Variants in PLXNA4 observed in about 807,000 individuals in gnomAD.
The protein encoded by PLXNA4 is plexin A4, also known as plexin-A4.
PLXNA4 carries 44 observed loss-of-function variants against 191.8 expected under a neutral mutation model. That is an observed-to-expected ratio of 0.23 (90% CI 0.18 to 0.29). The LOEUF (loss-of-function observed/expected upper bound fraction) is 0.29, where lower values mean the gene tolerates loss of function less well. Among genes scored for constraint, PLXNA4 ranks in the 10% least tolerant of loss-of-function variants. The probability of loss-of-function intolerance (pLI) is 1.00; values close to 1 mark genes in which losing one functional copy is unlikely to be tolerated. For synonymous variants in PLXNA4, 1,082 were observed against 1,009.5 expected, an observed-to-expected ratio of 1.07 and a Z score of -1.36; for missense variants, 1,800 against 2,488.8, an observed-to-expected ratio of 0.72 and a Z score of 5.89.
intron 1 of PLXNA4, among the ~76,000 whole-genome samples, chr7:132,554,252 G>C (rs957380655): frequency 6.6e-6 from 1 of 152,176 alleles, no homozygotes; most frequent in Non-Finnish European, 1.5e-5. Context: ...GCAGTGACAA[G>C]GACCCTGGGG....
chr7:132,319,584 C>G (rs928075875), intron 3 of PLXNA4, among the ~76,000 whole-genome samples: 2 of 151,638 alleles, frequency 1.3e-5, no homozygotes, highest in Non-Finnish European at 2.9e-5. Flanking sequence ...TTCCTACTCT[C>G]CAAACACATT....
chr7:132,532,711 A>G (rs913527465), intron 1 of PLXNA4, among the ~76,000 whole-genome samples: 1 of 152,208 alleles, frequency 6.6e-6, no homozygotes, highest in Non-Finnish European at 1.5e-5. Flanking sequence ...GGACAGACTT[A>G]GCATTGTATT....
intron 2 of PLXNA4, among the ~76,000 whole-genome samples, chr7:132,505,447 G>A (rs1319453872): frequency 6.6e-6 from 1 of 151,190 alleles, no homozygotes; most frequent in Non-Finnish European, 1.5e-5. Flanking sequence ...AACTGTCAGA[G>A]ATTGCCAACT....
intron 4 of PLXNA4, among the ~76,000 whole-genome samples, chr7:132,269,966 T>C (rs1035370670): frequency 1.3e-5 from 2 of 152,128 alleles, no homozygotes; most frequent in Non-Finnish European, 2.9e-5. Flanking sequence ...AGAAACGTGC[T>C]TGAGGGATTG....
chr7:132,339,291 C>T (rs912041585), intron 3 of PLXNA4, among the ~76,000 whole-genome samples: 2 of 152,176 alleles, frequency 1.3e-5, no homozygotes, highest in African/African-American at 4.8e-5. Context: ...AACACCTATG[C>T]CAGAGATGTG....
chr7:132,283,506 C>T (rs1244958300), intron 4 of PLXNA4, among the ~76,000 whole-genome samples: 1 of 152,214 alleles, frequency 6.6e-6, no homozygotes, highest in Non-Finnish European at 1.5e-5. Flanking sequence ...GCCCGGACTT[C>T]AAGGGGTAAC....
chr7:132,235,243 C>T (rs760019050), intron 5 of PLXNA4, among the ~76,000 whole-genome samples: 1 of 152,224 alleles, frequency 6.6e-6, no homozygotes, highest in Non-Finnish European at 1.5e-5. Context: ...GGCATGAGGA[C>T]CTGCTGCATT....
chr7:132,144,810 T>C (rs578189519), intron 29 of PLXNA4, among the ~76,000 whole-genome samples: 8 of 152,336 alleles, frequency 5.3e-5, no homozygotes, highest in Non-Finnish European at 1.0e-4. Flanking sequence ...GAGAGTGTCC[T>C]GGCCGTGACA....
intron 3 of PLXNA4, among the ~76,000 whole-genome samples, chr7:132,480,406 G>A (rs945494153): frequency 3.7e-4 from 57 of 152,184 alleles, no homozygotes; most frequent in African/African-American, 1.3e-3. Context: ...CACTTGCAAA[G>A]CAATAATGAC....
Position 132,318,711 on chromosome 7 carries a change from T to C in PLXNA4, c.1372-20489A>G, listed in dbSNP as rs73723778. ...ATTCTTCTCCCCCACTCCAATCTCA[T>C]CTGTCCCCTGAAGGGAGAAATCGAA... On this transcript the variant is annotated intron_variant, in intron 3 of 31. Coordinates refer to ENST00000321063, the MANE Select transcript of PLXNA4 (RefSeq NM_020911.2). Among the ~76,000 whole-genome samples the C allele has an allele frequency of 7.0e-3, 1,010 of 144,944 alleles. 13 individuals are homozygous for C. The highest frequency in any genetic ancestry group is 0.024 in the African/African-American group (957 of 39,454).
intron 24 of PLXNA4, 43 bp from the exon 25 acceptor site, chr7:132,159,675 C>A (rs371498668): frequency 6.2e-6 from 10 of 1,608,082 alleles, no homozygotes; most frequent in Non-Finnish European, 7.7e-6. Context: ...AATGGGGTAG[C>A]AGGAAAAGCT....
chr7:132,160,145 G>A (rs1314652579), intron 24 of PLXNA4, among the ~76,000 whole-genome samples: 1 of 152,076 alleles, frequency 6.6e-6, no homozygotes, highest in Non-Finnish European at 1.5e-5. Flanking sequence ...TAGGAATCTG[G>A]CTTCTTTCTC....
intron 3 of PLXNA4, among the ~76,000 whole-genome samples, chr7:132,303,353 G>A (rs553403492): frequency 6.7e-6 from 1 of 150,000 alleles, no homozygotes; most frequent in Admixed American, 6.6e-5. Flanking sequence ...GGCGGATCAC[G>A]AGGTCAAGAG....
chr7:132,165,844 G>T (rs187135251), intron 22 of PLXNA4, among the ~76,000 whole-genome samples: 1 of 152,220 alleles, frequency 6.6e-6, no homozygotes, highest in East Asian at 1.9e-4. Context: ...TCAGCTAAAG[G>T]CTCCCAGCAT....
chr7:132,289,790 C>G (rs893337913), intron 4 of PLXNA4, among the ~76,000 whole-genome samples: 1 of 151,714 alleles, frequency 6.6e-6, no homozygotes, highest in African/African-American at 2.4e-5. Flanking sequence ...ACCTTGGCCT[C>G]TCAAAGTGCT....
chr7:132,258,671 T>C (rs2116218892), intron 4 of PLXNA4, among the ~76,000 whole-genome samples: 1 of 152,306 alleles, frequency 6.6e-6, no homozygotes, highest in East Asian at 1.9e-4. Context: ...TTAGACCTTT[T>C]GTGATGCTTG....
At chr7:132,592,593 C>T (rs1049561690) in intron 2 of PLXNA4, among the ~76,000 whole-genome samples, 2 of 150,512 alleles carry the variant, frequency 1.3e-5, no homozygotes, top group South Asian at 2.1e-4. Context: ...AACGATTTGA[C>T]GGGGTCCCCT....
At chr7:132,389,268 A>C (rs550076443) in intron 3 of PLXNA4, among the ~76,000 whole-genome samples, 1 of 152,258 alleles carries the variant, frequency 6.6e-6, no homozygotes, top group South Asian at 2.1e-4. Context: ...CTTTGGTTTA[A>C]TCAGATCCTA....
At chr7:132,464,257 G>A (rs1178110900) in intron 3 of PLXNA4, among the ~76,000 whole-genome samples, 1 of 152,206 alleles carries the variant, frequency 6.6e-6, no homozygotes, top group Non-Finnish European at 1.5e-5. Flanking sequence ...GGGAATATTA[G>A]GGGAGATTCA....
Sources: allele counts gnomAD v4.1 joint callset (sites outside exome capture counted in the v4.1 genomes callset), GRCh38; gene constraint gnomAD v4.1.1; transcripts MANE v1.5; gene names NCBI Gene and HGNC (gene_info 2026-07-23, HGNC 2026-07-21).